ELF1: variants seen among roughly 807,000 people sequenced by gnomAD.
ELF1 encodes E74 like ETS transcription factor 1.
ELF1 carries 24 observed loss-of-function variants against 59.9 expected under a neutral mutation model. That is an observed-to-expected ratio of 0.40 (90% confidence interval 0.29 to 0.56). The LOEUF is 0.56. ELF1 is among the 20% of genes least tolerant of loss of function. The probability of loss-of-function intolerance (pLI) is 0.44; values close to 1 mark genes in which losing one functional copy is unlikely to be tolerated. For missense variants in ELF1, 627 were observed against 742.2 expected (o/e 0.84, Z 1.80); for synonymous variants, 248 against 266.2 (o/e 0.93, Z 0.67).
At chr13:41,041,935 G>A (rs1876627469) in intron 1 of ELF1, among the ~76,000 whole-genome samples, 1 of 152,176 alleles carries the variant, frequency 6.6e-6, no homozygotes, top group African/African-American at 2.4e-5. Flanking sequence ...CAGTGGGAAG[G>A]TCATATTTGT....
At chr13:41,027,146 G>A (rs115633883) in intron 1 of ELF1, among the ~76,000 whole-genome samples, 1,670 of 152,322 alleles carry the variant, frequency 0.011, 40 homozygotes, top group African/African-American at 0.038. Flanking sequence ...TCAATGCATA[G>A]GCAATAGATA....
In ELF1 at chr13:40,932,271, T is replaced by A. The variant is rs1869459099; in HGVS notation, c.*1154A>T. 6.6e-6 allele frequency: 1 copy of A among 152,194 alleles called. No homozygotes were observed. Among genetic ancestry groups the A allele is most frequent in the South Asian group, 2.1e-4 (1 of 4,828 alleles). The allele number at this position is 152,194 out of a possible 1,614,324, so 9.4% of individuals were successfully genotyped here. Reference sequence around the variant, plus strand: ...ACATTATTTACAGTTGAAAAAGTAATCTAAAAACATTTCATTTCAGAAAGT... The same window carrying A: ...ACATTATTTACAGTTGAAAAAGTAAACTAAAAACATTTCATTTCAGAAAGT... On this transcript the variant is annotated 3_prime_UTR_variant, in exon 9 of 9. Coordinates refer to ENST00000239882, the MANE Select transcript of ELF1 (RefSeq NM_172373.4).
At chr13:40,981,941 A>G in intron 2 of ELF1, 42 bp downstream of exon 2, 3 of 1,586,990 alleles carry the variant, frequency 1.9e-6, no homozygotes, top group Non-Finnish European at 2.6e-6. Flanking sequence ...TAGAAAAATC[A>G]TAATAAAGTC....
chr13:41,046,207 C>T (rs1234227753), intron 1 of ELF1, among the ~76,000 whole-genome samples: 2 of 152,200 alleles, frequency 1.3e-5, no homozygotes, highest in African/African-American at 4.8e-5. Flanking sequence ...CTCCTGAATA[C>T]AGCACACTGA....
intron 1 of ELF1, among the ~76,000 whole-genome samples, chr13:41,017,031 A>G (rs1158561634): frequency 7.0e-6 from 1 of 142,020 alleles, no homozygotes; most frequent in East Asian, 2.1e-4. Flanking sequence ...TAGAAGCTCA[A>G]ATTTAATTCC....
intron 1 of ELF1, among the ~76,000 whole-genome samples, chr13:41,012,025 G>A (rs1875092668): frequency 6.6e-6 from 1 of 152,036 alleles, no homozygotes; most frequent in Admixed American, 6.6e-5. Flanking sequence ...TGTATTATGA[G>A]GCCAGGTGCA....
intron 1 of ELF1, among the ~76,000 whole-genome samples, chr13:40,990,684 G>A (rs1293554309): frequency 2.0e-5 from 3 of 151,706 alleles, no homozygotes; most frequent in Non-Finnish European, 2.9e-5. Flanking sequence ...GTGAAATCCC[G>A]TCTCTACTAA....
intron 8 of ELF1, among the ~76,000 whole-genome samples, chr13:40,934,955 G>A (rs1460559550): frequency 1.3e-5 from 2 of 152,166 alleles, no homozygotes; most frequent in African/African-American, 4.8e-5. Flanking sequence ...ACCTGTCAGG[G>A]CTCTTGGACT....
intron 2 of ELF1, among the ~76,000 whole-genome samples, chr13:40,979,015 T>C (rs1026707259): frequency 7.7e-5 from 8 of 103,568 alleles, no homozygotes; most frequent in Admixed American, 5.9e-4. Context: ...CACCCAATAG[T>C]TAGTTTTTCA....
At chr13:41,035,029 CTG>C (rs1876317635) in intron 1 of ELF1, among the ~76,000 whole-genome samples, 1 of 152,248 alleles carries the variant, frequency 6.6e-6, no homozygotes, top group South Asian at 2.1e-4. Context: ...TCTCTCCTCA[CTG>C]TGTCATTAAA....
At chr13:41,043,881 T>C (rs960676206) in intron 1 of ELF1, among the ~76,000 whole-genome samples, 1 of 152,182 alleles carries the variant, frequency 6.6e-6, no homozygotes, top group African/African-American at 2.4e-5. Flanking sequence ...CTATAAATTA[T>C]CTTGGGCAGT....
upstream of ELF1, among the ~76,000 whole-genome samples, chr13:41,021,713 A>C (rs1001166887): frequency 2.0e-5 from 3 of 152,252 alleles, no homozygotes; most frequent in African/African-American, 7.2e-5. Flanking sequence ...TCCAGACTAC[A>C]TAAAGCACTT....
At chr13:40,991,390 A>C (rs979721005) in intron 1 of ELF1, among the ~76,000 whole-genome samples, 63 of 152,242 alleles carry the variant, frequency 4.1e-4, no homozygotes, top group African/African-American at 1.5e-3. Flanking sequence ...ACTACTCTAA[A>C]ATTAAAGTTT....
At chr13:40,934,154 C>T in intron 8 of ELF1, 126 bp from the exon 9 acceptor site, 1 of 1,267,228 alleles carries the variant, frequency 7.9e-7, no homozygotes, top group Non-Finnish European at 1.1e-6. Flanking sequence ...CCCATATTTT[C>T]AACAGAGCAT....
At chr13:41,033,626 T>C (rs190669896) in intron 1 of ELF1, among the ~76,000 whole-genome samples, 202 of 152,298 alleles carry the variant, frequency 1.3e-3, no homozygotes, top group African/African-American at 4.4e-3. Context: ...TAGATTCTCA[T>C]AGGAGAGGAA....
chr13:40,989,152 A>C (rs1240092560), intron 1 of ELF1, among the ~76,000 whole-genome samples: 1 of 152,204 alleles, frequency 6.6e-6, no homozygotes. Context: ...AAAATATGCG[A>C]ATATGGAAAA....
exon 1 of ELF1, chr13:41,060,908 T>TGCC: frequency 3.6e-6 from 1 of 275,360 alleles, no homozygotes; most frequent in Non-Finnish European, 6.8e-6. Context: ...CTACTGAAGC[T>TGCC]GCTGCTGCCG....
At chr13:41,013,857 CT>C (rs1446694084) in intron 1 of ELF1, among the ~76,000 whole-genome samples, 1 of 151,896 alleles carries the variant, frequency 6.6e-6, no homozygotes, top group Non-Finnish European at 1.5e-5. Context: ...AATTGTTACA[CT>C]TCATTTTAAT....
intron 1 of ELF1, among the ~76,000 whole-genome samples, chr13:41,029,346 T>C (rs1420743338): frequency 6.6e-6 from 1 of 152,154 alleles, no homozygotes; most frequent in African/African-American, 2.4e-5. Context: ...ATAGTATTAT[T>C]TTTGGGTATG....
Sources: allele counts gnomAD v4.1 joint callset (sites outside exome capture counted in the v4.1 genomes callset), GRCh38; gene constraint gnomAD v4.1.1; transcripts MANE v1.5; gene names NCBI Gene and HGNC (gene_info 2026-07-23, HGNC 2026-07-21).